The following CACNA2D3 variants were observed in gnomAD, a reference collection of about 807,000 sequenced individuals.
The protein encoded by CACNA2D3 is calcium voltage-gated channel auxiliary subunit alpha2delta 3, also known as voltage-dependent calcium channel subunit alpha-2/delta-3.
In CACNA2D3, 60 loss-of-function variants were observed where a neutral mutation model predicts 160.6. The observed-to-expected ratio is 0.37, with a 90% CI of 0.30 to 0.46. CACNA2D3 has a LOEUF of 0.46. Among genes scored for constraint, CACNA2D3 ranks in the 20% least tolerant of loss-of-function variants. CACNA2D3 has a pLI of 1.00. For missense variants in CACNA2D3, 1,205 were observed against 1,365.0 expected, an observed-to-expected ratio of 0.88 and a Z score of 1.85; for synonymous variants, 558 against 492.9, an observed-to-expected ratio of 1.13 and a Z score of -1.75.
chr3:54,472,866 A>T (rs1334917835), intron 4 of CACNA2D3, among the ~76,000 whole-genome samples: 1 of 152,224 alleles, frequency 6.6e-6, no homozygotes. Context: ...ACTACAAACC[A>T]CTGCTCAAGG....
At chr3:54,900,924 A>G (rs1700316426) in intron 27 of CACNA2D3, among the ~76,000 whole-genome samples, 1 of 152,180 alleles carries the variant, frequency 6.6e-6, no homozygotes, top group Admixed American at 6.5e-5. Flanking sequence ...TGCCCTGGTT[A>G]TTCCTGAGTT....
intron 9 of CACNA2D3, among the ~76,000 whole-genome samples, chr3:54,613,423 A>G (rs192150027): frequency 6.6e-6 from 1 of 152,180 alleles, no homozygotes; most frequent in African/African-American, 2.4e-5. Flanking sequence ...CCATGTTTCC[A>G]TTTCTTGTGA....
chr3:54,253,624 C>T (rs988304134), intron 2 of CACNA2D3, among the ~76,000 whole-genome samples: 1 of 152,070 alleles, frequency 6.6e-6, no homozygotes, highest in South Asian at 2.1e-4. Flanking sequence ...GACACAGATC[C>T]AAGCCATATC....
At chr3:54,975,114 A>G (rs1288306661) in intron 29 of CACNA2D3, among the ~76,000 whole-genome samples, 5 of 152,132 alleles carry the variant, frequency 3.3e-5, no homozygotes, top group African/African-American at 9.7e-5. Flanking sequence ...CTACTTCTCA[A>G]TAATAATTTA....
intron 12 of CACNA2D3, among the ~76,000 whole-genome samples, chr3:54,754,356 C>T (rs903108859): frequency 1.3e-5 from 2 of 152,238 alleles, no homozygotes; most frequent in Non-Finnish European, 2.9e-5. Context: ...CTGGGTAGAT[C>T]TGAGTCACGT....
In CACNA2D3 at chr3:54,822,804, TTTC is replaced by T. The variant is rs1559595713; in HGVS notation, c.1398+5937_1398+5939del. 5.9e-4 allele frequency among the ~76,000 whole-genome samples: 66 copies of T among 112,804 alleles called. 1 individual carries two copies. Among genetic ancestry groups the T allele is most frequent in the African/African-American group, 8.2e-4 (19 of 23,114 alleles). The allele number at this position is 112,804 out of a possible 152,430, so 74.0% of individuals were successfully genotyped here. A position where few individuals can be genotyped will look rare whatever the true frequency, so the allele number is the denominator to read the frequency against. ...TTTCTTTCTTTCCTTTCTTTCTTTC[TTTC>T]TTTCTTTCTTTCTTTCTTTCTTTCT... is the stretch of plus-strand genomic sequence containing the variant. On this transcript the variant is annotated intron_variant, in intron 14 of 37. Transcript: ENST00000474759.
intron 5 of CACNA2D3, among the ~76,000 whole-genome samples, chr3:54,548,791 C>T (rs1702106912): frequency 6.6e-6 from 1 of 152,146 alleles, no homozygotes; most frequent in South Asian, 2.1e-4. Context: ...CAAAGGCATT[C>T]CTTTACCCTC....
chr3:54,842,178 C>G (rs1209870942), intron 16 of CACNA2D3, among the ~76,000 whole-genome samples: 1 of 152,210 alleles, frequency 6.6e-6, no homozygotes, highest in Non-Finnish European at 1.5e-5. Context: ...TAGGATGTAG[C>G]TATATGCCAT....
chr3:54,977,080 G>C (rs185702274), intron 29 of CACNA2D3, among the ~76,000 whole-genome samples: 97 of 152,212 alleles, frequency 6.4e-4, no homozygotes, highest in Non-Finnish European at 2.6e-4. Context: ...GAAACAAATG[G>C]GGTAAGGGGC....
intron 34 of CACNA2D3, among the ~76,000 whole-genome samples, chr3:55,013,724 T>C (rs1379004137): frequency 6.6e-6 from 1 of 152,088 alleles, no homozygotes; most frequent in East Asian, 1.9e-4. Context: ...AAAGGTATCA[T>C]TTTGGTGAAG....
chr3:54,414,095 G>A (rs1699716313), intron 4 of CACNA2D3, among the ~76,000 whole-genome samples: 1 of 151,590 alleles, frequency 6.6e-6, no homozygotes, highest in South Asian at 2.1e-4. Flanking sequence ...ATTTATATTA[G>A]GAAACAATTA....
chr3:54,303,857 C>T (rs560254056), intron 2 of CACNA2D3, among the ~76,000 whole-genome samples: 96 of 125,730 alleles, frequency 7.6e-4, no homozygotes, highest in Middle Eastern at 0.011. Context: ...TAGTGCTGCT[C>T]AGCGGGAGGG....
intron 13 of CACNA2D3, among the ~76,000 whole-genome samples, chr3:54,788,449 A>G (rs1342441670): frequency 6.6e-6 from 1 of 152,152 alleles, no homozygotes; most frequent in East Asian, 1.9e-4. Context: ...TCTTTGTGGT[A>G]ATTACCTTCC....
intron 4 of CACNA2D3, among the ~76,000 whole-genome samples, chr3:54,459,864 T>C (rs1305499938): frequency 6.6e-6 from 1 of 152,228 alleles, no homozygotes; most frequent in Non-Finnish European, 1.5e-5. Flanking sequence ...ATGTCCTGAA[T>C]GGTAATGCCT....
intron 11 of CACNA2D3, among the ~76,000 whole-genome samples, chr3:54,680,835 G>A (rs903589815): frequency 1.3e-5 from 2 of 152,086 alleles, no homozygotes; most frequent in Non-Finnish European, 2.9e-5. Flanking sequence ...ATCAATAATG[G>A]GTAGAAGTGA....
At chr3:54,320,181 C>T (rs1465715452) in intron 2 of CACNA2D3, among the ~76,000 whole-genome samples, 1 of 152,152 alleles carries the variant, frequency 6.6e-6, no homozygotes, top group Non-Finnish European at 1.5e-5. Flanking sequence ...TATAAATAGA[C>T]AGATGATCGT....
At chr3:55,068,532 CTCATT>C (rs1704720965) in intron 35 of CACNA2D3, among the ~76,000 whole-genome samples, 1 of 152,086 alleles carries the variant, frequency 6.6e-6, no homozygotes, top group African/African-American at 2.4e-5. Context: ...TTTTATCCAT[CTCATT>C]TATTTTTCTT....
chr3:54,280,924 G>T (rs1224798546), intron 2 of CACNA2D3, among the ~76,000 whole-genome samples: 1 of 152,144 alleles, frequency 6.6e-6, no homozygotes, highest in Non-Finnish European at 1.5e-5. Flanking sequence ...CCCTTGCTAT[G>T]GTGTTGAGCA....
At chr3:54,332,565 C>G (rs982263854) in intron 3 of CACNA2D3, among the ~76,000 whole-genome samples, 1 of 152,180 alleles carries the variant, frequency 6.6e-6, no homozygotes, top group Non-Finnish European at 1.5e-5. Flanking sequence ...TATCTGGTAA[C>G]CACAGCTGAG....
Sources: allele counts gnomAD v4.1 joint callset (sites outside exome capture counted in the v4.1 genomes callset), GRCh38; gene constraint gnomAD v4.1.1; transcripts MANE v1.5; gene names NCBI Gene and HGNC (gene_info 2026-07-23, HGNC 2026-07-21).